DPP10: variants seen among roughly 807,000 people sequenced by gnomAD.
DPP10 encodes dipeptidyl peptidase like 10.
Under a neutral mutation model 120.9 loss-of-function variants are expected in DPP10, and 33 were observed. The observed-to-expected ratio is 0.27, with a 90% CI of 0.21 to 0.37. The LOEUF (loss-of-function observed/expected upper bound fraction) is 0.37. Among genes scored for constraint, DPP10 ranks in the 10% least tolerant of loss-of-function variants. The pLI is 1.00. For missense variants in DPP10, 816 were observed against 942.8 expected (o/e 0.87, Z 1.76); for synonymous variants, 337 against 326.1 (o/e 1.03, Z -0.36).
chr2:114,942,320 T>TATATACATATATATATATATATATATAC (rs869121143), intron 1 of DPP10, among the ~76,000 whole-genome samples: 17 of 123,970 alleles, frequency 1.4e-4, no homozygotes, highest in Admixed American at 9.0e-5. Context: ...TATATATATA[T>TATATACATATATATATATATATATATAC]ACACACACAT....
intron 4 of DPP10, among the ~76,000 whole-genome samples, chr2:115,513,329 T>C (rs1456740156): frequency 6.6e-6 from 1 of 151,906 alleles, no homozygotes; most frequent in East Asian, 1.9e-4. Flanking sequence ...ATTTATCCTG[T>C]CAACCTACAC....
At chr2:115,518,105 G>A (rs992546857) in intron 4 of DPP10, among the ~76,000 whole-genome samples, 12 of 152,222 alleles carry the variant, frequency 7.9e-5, no homozygotes, top group South Asian at 4.1e-4. Flanking sequence ...AATAGAGTAA[G>A]AACTCAGTAT....
intron 1 of DPP10, among the ~76,000 whole-genome samples, chr2:115,237,755 G>A (rs151235323): frequency 4.4e-4 from 67 of 152,308 alleles, no homozygotes; most frequent in African/African-American, 1.6e-3. Context: ...GATCAGAGCA[G>A]CCACAACATT....
chr2:114,776,818 G>C (rs1681789291), intron 1 of DPP10, among the ~76,000 whole-genome samples: 1 of 151,882 alleles, frequency 6.6e-6, no homozygotes, highest in African/African-American at 2.4e-5. Context: ...TTGGAAAAGG[G>C]GATGAGTGGA....
intron 3 of DPP10, among the ~76,000 whole-genome samples, chr2:115,470,445 A>G (rs1050011827): frequency 2.6e-5 from 4 of 152,196 alleles, no homozygotes; most frequent in African/African-American, 4.8e-5. Flanking sequence ...ATCATAGCAT[A>G]TGAACAAGTA....
intron 1 of DPP10, among the ~76,000 whole-genome samples, chr2:115,167,438 GAAAA>G (rs1205546968): frequency 1.3e-5 from 2 of 150,898 alleles, no homozygotes; most frequent in Admixed American, 6.6e-5. Flanking sequence ...AAAATAAAAA[GAAAA>G]GAAAGAAAGA....
At chr2:115,786,305 T>C (rs1683338912) in intron 17 of DPP10, among the ~76,000 whole-genome samples, 1 of 152,182 alleles carries the variant, frequency 6.6e-6, no homozygotes, top group Admixed American at 6.5e-5. Flanking sequence ...TTGTTCATCA[T>C]AGCTGGAACA....
At chr2:115,769,574 A>G (rs1020078857) in intron 13 of DPP10, among the ~76,000 whole-genome samples, 2 of 152,044 alleles carry the variant, frequency 1.3e-5, no homozygotes, top group African/African-American at 4.8e-5. Flanking sequence ...TGATTTTCAT[A>G]GTATATTATT....
chr2:115,160,858 G>A (rs2052258964), intron 1 of DPP10, among the ~76,000 whole-genome samples: 1 of 152,000 alleles, frequency 6.6e-6, no homozygotes, highest in African/African-American at 2.4e-5. Context: ...GGATTTGGTA[G>A]GTTTGCCGTG....
At chr2:114,694,893 G>A (rs998377865) in intron 1 of DPP10, among the ~76,000 whole-genome samples, 2 of 151,916 alleles carry the variant, frequency 1.3e-5, no homozygotes, top group African/African-American at 4.8e-5. Flanking sequence ...AAGGACTTGG[G>A]AGAAGAAGAG....
chr2:114,757,327 G>A (rs1424869071), intron 1 of DPP10, among the ~76,000 whole-genome samples: 5 of 132,712 alleles, frequency 3.8e-5, no homozygotes, highest in Admixed American at 1.7e-4. Context: ...AAGGAGGGAA[G>A]GAAAGAAGGA....
intron 1 of DPP10, among the ~76,000 whole-genome samples, chr2:115,114,174 A>G (rs1275339693): frequency 6.6e-6 from 1 of 152,150 alleles, no homozygotes. Flanking sequence ...ACAGTATATA[A>G]CATATCTCCT....
At chr2:115,107,517 A>G (rs2049010782) in intron 1 of DPP10, among the ~76,000 whole-genome samples, 1 of 145,814 alleles carries the variant, frequency 6.9e-6, no homozygotes, top group African/African-American at 2.5e-5. Context: ...TTTAAAATCC[A>G]GGAGCCAAAA....
chr2:115,329,671 G>A (rs566510728), intron 2 of DPP10, among the ~76,000 whole-genome samples: 43 of 152,216 alleles, frequency 2.8e-4, no homozygotes, highest in African/African-American at 8.9e-4. Flanking sequence ...CCACCTATGA[G>A]TGAGAACATG....
At chr2:114,568,138 G>A (rs1689350236) in intron 1 of DPP10, among the ~76,000 whole-genome samples, 1 of 149,846 alleles carries the variant, frequency 6.7e-6, no homozygotes, top group Non-Finnish European at 1.5e-5. Context: ...CTTCACTAAT[G>A]TAATGAAAAG....
intron 1 of DPP10, among the ~76,000 whole-genome samples, chr2:115,120,250 G>A (rs2049752035): frequency 6.6e-6 from 1 of 152,180 alleles, no homozygotes. Flanking sequence ...ATAATGCCAA[G>A]TCCTATGAGA....
intron 1 of DPP10, among the ~76,000 whole-genome samples, chr2:115,015,611 C>G (rs1292932019): frequency 6.6e-6 from 1 of 152,166 alleles, no homozygotes; most frequent in Non-Finnish European, 1.5e-5. Flanking sequence ...CCCATCATCT[C>G]AGCCCAAAAT....
At chr2:115,818,004 A>G (rs35853077) in intron 21 of DPP10, among the ~76,000 whole-genome samples, 2 of 152,190 alleles carry the variant, frequency 1.3e-5, no homozygotes, top group African/African-American at 4.8e-5. Flanking sequence ...AAAGTAAAAA[A>G]CAAAGATAAA....
At chr2:114,447,481 G>A (rs570133821) in intron 1 of DPP10, among the ~76,000 whole-genome samples, 114 of 152,228 alleles carry the variant, frequency 7.5e-4, no homozygotes, top group African/African-American at 2.7e-3. Context: ...ACCTCTGTGT[G>A]TCATTGCAAT....
Sources: allele counts gnomAD v4.1 joint callset (sites outside exome capture counted in the v4.1 genomes callset), GRCh38; gene constraint gnomAD v4.1.1; transcripts MANE v1.5; gene names NCBI Gene and HGNC (gene_info 2026-07-23, HGNC 2026-07-21).